The following MYOZ2 variants were observed in gnomAD, a reference collection of about 807,000 sequenced individuals.
MYOZ2 encodes the protein myozenin 2.
In MYOZ2, 19 loss-of-function variants were observed where a neutral mutation model predicts 25.4. The ratio of observed to expected loss-of-function variants is 0.75; its 90% confidence interval spans 0.52 to 1.10. The LOEUF is 1.10. MYOZ2 is among the 50% of genes least tolerant of loss of function. MYOZ2 has a pLI of 0.00. For synonymous variants in MYOZ2, 92 were observed against 106.9 expected (o/e 0.86, Z 0.86); for missense variants, 270 against 317.9 (o/e 0.85, Z 1.15).
chr4:119,173,767 C>A (rs1471367057), intron 5 of MYOZ2, among the ~76,000 whole-genome samples: 1 of 152,214 alleles, frequency 6.6e-6, no homozygotes, highest in Admixed American at 6.5e-5. Context: ...CTCACCTCAG[C>A]TTGCAGGGAG....
chr4:119,158,075 T>C lies in MYOZ2; in HGVS notation c.300T>C (p.Gly100=). The part of the protein sequence containing the change: ...GKVDGSNLEG[G]SQQAPLTPPN... ...TGGATGGAAGTAACTTGGAAGGTGG[T>C]TCGCAGCAAGCCCCCTTGACTCCTC... Residue 100 remains glycine (G), a synonymous_variant, in exon 4 of 6, where the codon GGT becomes GGC. Transcript: ENST00000307128. The C allele has an allele frequency of 6.2e-7, 1 of 1,613,900 alleles. No individual in the cohort carries two copies. Among genetic ancestry groups the C allele is most frequent in the Non-Finnish European group, 8.5e-7 (1 of 1,179,910 alleles).
chr4:119,157,573 T>TA (rs1741609462), intron 3 of MYOZ2, among the ~76,000 whole-genome samples: 1 of 152,176 alleles, frequency 6.6e-6, no homozygotes. Flanking sequence ...TTCTAGACGT[T>TA]AAAAAATCTA....
At chr4:119,175,995 G>T (rs142075692) in intron 5 of MYOZ2, among the ~76,000 whole-genome samples, 1 of 152,206 alleles carries the variant, frequency 6.6e-6, no homozygotes, top group East Asian at 1.9e-4. Context: ...CGCCAGGTAG[G>T]CTAAGGTGTT....
intron 5 of MYOZ2, among the ~76,000 whole-genome samples, chr4:119,174,977 C>G (rs987091796): frequency 1.3e-5 from 2 of 152,066 alleles, no homozygotes; most frequent in African/African-American, 4.8e-5. Flanking sequence ...TGCAGCTTCA[C>G]TCCTGAGCCA....
intron 5 of MYOZ2, among the ~76,000 whole-genome samples, chr4:119,175,498 C>T (rs1417154217): frequency 6.6e-6 from 1 of 152,112 alleles, no homozygotes; most frequent in African/African-American, 2.4e-5. Flanking sequence ...CAGTGGGTCA[C>T]ACCTATAATC....
rs571191965 is a variant in MYOZ2, at chr4:119,187,674, C to T, written c.*1474C>T. The T allele has an allele frequency of 3.3e-5, 5 of 151,646 alleles. No homozygotes were observed. The highest frequency in any genetic ancestry group is 1.2e-4 in the African/African-American group (5 of 41,382). The allele number at this position is 151,646 out of a possible 1,614,324, so 9.4% of individuals were successfully genotyped here. On this transcript the variant is annotated 3_prime_UTR_variant, in exon 6 of 6. Coordinates refer to ENST00000307128, the MANE Select transcript of MYOZ2 (RefSeq NM_016599.5). ...TTTATTTATAAGTTTTGGTGTTTACCTGTTTTAAAATGATAATGTTGGCAT... is the reference window on the plus strand; with the variant it reads ...TTTATTTATAAGTTTTGGTGTTTACTTGTTTTAAAATGATAATGTTGGCAT...
At chr4:119,173,814 C>T (rs756264375) in intron 5 of MYOZ2, among the ~76,000 whole-genome samples, 3 of 152,242 alleles carry the variant, frequency 2.0e-5, no homozygotes, top group South Asian at 4.1e-4. Flanking sequence ...ACCGGGGCTG[C>T]GTGGGACGCT....
rs1471762869 is a variant in MYOZ2, at chr4:119,186,506, A to G, written c.*306A>G. 1.2e-5 allele frequency: 4 copies of G among 344,028 alleles called. No homozygotes were observed. Among genetic ancestry groups the G allele is most frequent in the African/African-American group, 8.7e-5 (4 of 46,230 alleles). The allele number at this position is 344,028 out of a possible 1,614,324, so 21.3% of individuals were successfully genotyped here. A position where few individuals can be genotyped will look rare whatever the true frequency, so the allele number is the denominator to read the frequency against. ...TAATTGACAGTTTCACCTTTGTCTC[A>G]TTTTATATGATTTATTACAGTGTAA... is the stretch of plus-strand genomic sequence containing the variant. On this transcript the variant is annotated 3_prime_UTR_variant, in exon 6 of 6. Transcript: ENST00000307128.
chr4:119,150,337 T>G (rs1741418058), intron 2 of MYOZ2, among the ~76,000 whole-genome samples: 1 of 152,058 alleles, frequency 6.6e-6, no homozygotes, highest in South Asian at 2.1e-4. Context: ...TGAGCTGGAT[T>G]GGGGAAAAAG....
At chr4:119,169,679 C>T (rs753064841) in intron 5 of MYOZ2, among the ~76,000 whole-genome samples, 8 of 152,174 alleles carry the variant, frequency 5.3e-5, no homozygotes, top group Non-Finnish European at 7.3e-5. Flanking sequence ...CTTTTGGCAG[C>T]TTCAAGTCTG....
At chr4:119,178,481 T>C (rs1056438082) in intron 5 of MYOZ2, among the ~76,000 whole-genome samples, 4 of 152,242 alleles carry the variant, frequency 2.6e-5, no homozygotes, top group Non-Finnish European at 4.4e-5. Context: ...TTTTCCAATC[T>C]GCCCCATCTC....
At chr4:119,173,906 G>C (rs1367415966) in intron 5 of MYOZ2, among the ~76,000 whole-genome samples, 1 of 152,240 alleles carries the variant, frequency 6.6e-6, no homozygotes, top group Non-Finnish European at 1.5e-5. Context: ...GCCGGCCCGG[G>C]GCAATGAGGG....
intron 5 of MYOZ2, among the ~76,000 whole-genome samples, chr4:119,183,512 G>A (rs1182701778): frequency 6.6e-6 from 1 of 152,028 alleles, no homozygotes; most frequent in Non-Finnish European, 1.5e-5. Context: ...AGTGAATAGG[G>A]CAAAACCTGC....
At chr4:119,155,662 T>A (rs1441942019) in intron 3 of MYOZ2, among the ~76,000 whole-genome samples, 1 of 151,974 alleles carries the variant, frequency 6.6e-6, no homozygotes, top group African/African-American at 2.4e-5. Flanking sequence ...GTTTATGAGG[T>A]GAGTATGACA....
At chr4:119,140,771 T>C (rs1242285195) in intron 2 of MYOZ2, among the ~76,000 whole-genome samples, 3 of 152,222 alleles carry the variant, frequency 2.0e-5, no homozygotes, top group Non-Finnish European at 4.4e-5. Context: ...GTTTGTATAA[T>C]TCAATACATT....
At chr4:119,153,422 T>C (rs1741500702) in intron 3 of MYOZ2, among the ~76,000 whole-genome samples, 1 of 152,138 alleles carries the variant, frequency 6.6e-6, no homozygotes, top group Non-Finnish European at 1.5e-5. Context: ...AAATACAGGT[T>C]TCATCTAGTG....
At position 119,141,400 on chromosome 4, in the gene MYOZ2, T is replaced by C. The variant is rs1033006470; in HGVS notation, c.76+4799T>C. Among the ~76,000 whole-genome samples, 3 of 152,176 alleles carry C rather than the reference T, an allele frequency of 2.0e-5. No homozygotes were observed. The East Asian group carries it at 5.8e-4, about 29-fold the overall frequency. Reference sequence around the variant, plus strand: ...TCTTTCTTTCTTTCTTTCTTTTTTTTGAGATGGAGTCTTGCTCTGTTGCCC... The same window carrying C: ...TCTTTCTTTCTTTCTTTCTTTTTTTCGAGATGGAGTCTTGCTCTGTTGCCC... On this transcript the variant is annotated intron_variant, in intron 2 of 5. Transcript: ENST00000307128.
chr4:119,163,491 C>G (rs1741752137), intron 4 of MYOZ2, among the ~76,000 whole-genome samples: 1 of 152,140 alleles, frequency 6.6e-6, no homozygotes, highest in Non-Finnish European at 1.5e-5. Flanking sequence ...GTTTAAAGAT[C>G]TATGCCAAGA....
chr4:119,172,510 T>G (rs1741967899), intron 5 of MYOZ2, among the ~76,000 whole-genome samples: 1 of 152,206 alleles, frequency 6.6e-6, no homozygotes, highest in Non-Finnish European at 1.5e-5. Flanking sequence ...TTTATTGATC[T>G]GAGTGGTGCC....
Sources: gnomAD v4.1 joint callset for allele counts (sites outside exome capture counted in the v4.1 genomes callset) on GRCh38, gnomAD v4.1.1 for gene constraint, MANE v1.5 for transcripts, NCBI Gene and HGNC (gene_info 2026-07-23, HGNC 2026-07-21) for gene names.